The following SMTN variants were observed in gnomAD, a reference collection of about 807,000 sequenced individuals.
SMTN encodes the protein smoothelin.
SMTN carries 58 observed loss-of-function variants against 102.0 expected under a neutral mutation model. That is an observed-to-expected ratio of 0.57 (90% CI 0.46 to 0.71). The LOEUF (loss-of-function observed/expected upper bound fraction) is 0.71. Ranked by LOEUF, SMTN falls within the 30% of genes least tolerant of loss-of-function variation. The probability of loss-of-function intolerance (pLI) is 0.00; values close to 1 mark genes in which losing one functional copy is unlikely to be tolerated. For synonymous variants in SMTN, 478 were observed against 497.9 expected (o/e 0.96, Z 0.53); for missense variants, 1,185 against 1,241.7 (o/e 0.95, Z 0.69).
Position 31,091,747 on chromosome 22 carries a change from G to A in SMTN, c.1532G>A (p.Arg511His), listed in dbSNP as rs116593437. Reference sequence around the variant, plus strand: ...AGTGGGGGCAAGAGCACCATCACCCGTGTCAACAGCCCTGGGACCCTGGCT... The same window carrying A: ...AGTGGGGGCAAGAGCACCATCACCCATGTCAACAGCCCTGGGACCCTGGCT... ...TSSGGKSTIT[R>H]VNSPGTLARL... The change falls in exon 11 of 21, where the codon CGT becomes CAT. Residue 511 changes from arginine to histidine, a missense_variant. By Grantham distance (29) the Arg-to-His change is conservative. Around this residue, in one of 2 missense-constraint regions of SMTN, gnomAD observed 1,096 missense variants for 1,112.7 expected, o/e 0.98. Coordinates refer to ENST00000333137, the MANE Select transcript of SMTN (RefSeq NM_134269.3). 949 of 1,612,636 alleles carry A rather than the reference G, an allele frequency of 5.9e-4. 2 individuals carry two copies. The African/African-American group carries it at 0.011, about 18-fold the overall frequency.
chr22:31,087,996 G>A lies in SMTN; in HGVS notation c.83G>A (p.Arg28Gln), dbSNP rs766372580. 1.9e-5 allele frequency: 30 copies of A among 1,607,062 alleles called. No homozygotes were observed. The Admixed American group carries it at 2.3e-4, about 13-fold the overall frequency. Reference sequence around the variant, plus strand: ...GTCACAGCAGATCTGGCAGAGCGGCGGCGCATCCGCTCAGCCATCCGGGAA... The same window carrying A: ...GTCACAGCAGATCTGGCAGAGCGGCAGCGCATCCGCTCAGCCATCCGGGAA... Reference protein sequence around the residue: ...LEVTADLAERRRIRSAIRELQ... With the variant: ...LEVTADLAERQRIRSAIRELQ... Residue 28 changes from arginine to glutamine, a missense_variant, in exon 3 of 21, where the codon CGG becomes CAG. By Grantham distance (43) the Arg-to-Gln change is conservative. This residue lies in a region of SMTN where 1,096 missense variants were observed against 1,112.7 expected (regional missense o/e 0.98). Transcript: ENST00000333137.
chr22:31,081,754 T>C (rs2042323415), intron 1 of SMTN, among the ~76,000 whole-genome samples: 1 of 151,696 alleles, frequency 6.6e-6, no homozygotes, highest in East Asian at 1.9e-4. Context: ...GACAGGGAGA[T>C]TGGAGAAGAG....
chr22:31,082,995 T>C (rs577609157), intron 1 of SMTN, 184 bp from the exon 2 acceptor site: 25 of 1,430,434 alleles, frequency 1.7e-5, no homozygotes, highest in African/African-American at 2.8e-5. Context: ...CCCCCTACCC[T>C]GGGTTTGGTG....
chr22:31,093,477 G>A (rs1293331710), intron 11 of SMTN: 1 of 618,702 alleles, frequency 1.6e-6, no homozygotes, highest in East Asian at 3.0e-5. Flanking sequence ...CTGGGCCTGA[G>A]CTGGCCGCAG....
chr22:31,087,692 G>A (rs987164828), intron 2 of SMTN, among the ~76,000 whole-genome samples: 7 of 152,220 alleles, frequency 4.6e-5, no homozygotes, highest in Admixed American at 3.3e-4. Context: ...GGAGTGCCTG[G>A]CTTGGCACCT....
chr22:31,097,315 C>T lies in SMTN; in HGVS notation c.2136C>T (p.Ser712=). The stretch of plus-strand genomic sequence containing the variant: ...TGCAAACCAAGACCTTCTCCTCTTC[C>T]TCCTCATCCAAGAAGATGGGCAGGT... ...TMMQTKTFSS[S]SSSKKMGSIF... The change falls in exon 16 of 21, where the codon TCC becomes TCT. Residue 712 remains serine (S), a synonymous_variant. Transcript: ENST00000333137. 6.2e-7 allele frequency: 1 copy of T among 1,614,138 alleles called. No homozygotes were observed.
upstream of SMTN, among the ~76,000 whole-genome samples, chr22:31,078,882 AAAAAT>A (rs1555959213): frequency 4.6e-5 from 7 of 152,104 alleles, no homozygotes; most frequent in South Asian, 1.2e-3. Context: ...TGTCTCCAAA[AAAAAT>A]AAAATAAAAT....
intron 11 of SMTN, chr22:31,093,653 T>C: frequency 1.3e-6 from 1 of 788,410 alleles, no homozygotes; most frequent in South Asian, 1.4e-5. Flanking sequence ...AGCCGGCGGC[T>C]GGATGCACTG....
At position 31,092,483 on chromosome 22, in the gene SMTN, G is replaced by T. The variant is rs1224374988; in HGVS notation, c.1632+636G>T. 1.1e-5 allele frequency: 5 copies of T among 471,094 alleles called. No individual in the cohort carries two copies. The East Asian group carries it at 2.8e-4, about 26-fold the overall frequency. 29.2% of individuals were successfully genotyped at this position (471,094 alleles called of 1,614,324 possible). A position where few individuals can be genotyped will look rare whatever the true frequency, so the allele number is the denominator to read the frequency against. On this transcript the variant is annotated intron_variant, in intron 11 of 20. Coordinates refer to ENST00000333137, the MANE Select transcript of SMTN (RefSeq NM_134269.3). ...CCCAAGCCCAGGATCCACTAGCCGG[G>T]AGCTCAGCCGGGAAAGGGATCCCCA...
In SMTN at chr22:31,088,526, G is replaced by C. The variant is rs773894191; in HGVS notation, c.214G>C (p.Glu72Gln). The C allele has an allele frequency of 8.1e-6, 13 of 1,613,732 alleles. No individual in the cohort carries two copies. Among genetic ancestry groups the C allele is most frequent in the Non-Finnish European group, 9.3e-6 (11 of 1,179,956 alleles). ...KENWLHSQQR[E>Q]AEQRAALARL... ...ATGTCTCTGCAGCTCTCAGCAGCGG[G>C]AAGCTGAGCAGCGGGCTGCCCTGGC... Residue 72 changes from glutamate (E) to glutamine (Q), a missense_variant, in exon 4 of 21, where the codon GAA (glutamate) becomes CAA (glutamine). Transcript: ENST00000333137.
At chr22:31,102,743 T>G (rs2044189575) in intron 20 of SMTN, 1 of 152,188 alleles carries the variant, frequency 6.6e-6, no homozygotes, top group Non-Finnish European at 1.5e-5. Context: ...AAACAATGGC[T>G]TTATAAGGTC....
chr22:31,064,134 T>G (rs994529832), exon 1 of SMTN: 1 of 152,112 alleles, frequency 6.6e-6, no homozygotes, highest in African/African-American at 2.4e-5. Flanking sequence ...ACATGGCAGC[T>G]CCCATGAGAA....
In SMTN at chr22:31,087,978, C is replaced by G. The variant is rs767272756; in HGVS notation, c.65C>G (p.Ala22Gly). 140 of 1,601,262 alleles carry G rather than the reference C, an allele frequency of 8.7e-5. No individual in the cohort carries two copies. Among genetic ancestry groups the G allele is most frequent in the Non-Finnish European group, 1.2e-4 (136 of 1,171,162 alleles). The change falls in exon 3 of 21, where the codon GCA becomes GGA. Residue 22 changes from alanine (A) to glycine (G), a missense_variant. Physicochemically the swap from Ala to Gly is moderately conservative, Grantham distance 60. This residue lies in a region of SMTN where 1,096 missense variants were observed against 1,112.7 expected (regional missense o/e 0.98). Transcript: ENST00000333137. ...CACCCACTGCAGCTGGAGGTCACAGCAGATCTGGCAGAGCGGCGGCGCATC... is the reference window on the plus strand; with the variant it reads ...CACCCACTGCAGCTGGAGGTCACAGGAGATCTGGCAGAGCGGCGGCGCATC... Reference protein sequence around the residue: ...GALRKLLEVTADLAERRRIRS... With the variant: ...GALRKLLEVTGDLAERRRIRS...
rs141379456 is a variant in SMTN, at chr22:31,069,914, C to T, written c.-386+5727C>T. ...ACAGCCTTTGTTGACATTAGATTAA[C>T]TAAATCCAGTAAGGGAAGATTTTGA... On this transcript the variant is annotated intron_variant, in intron 1 of 3. Coordinates refer to the SMTN transcript ENST00000422839. Among the ~76,000 whole-genome samples, 501 of 152,284 alleles carry T rather than the reference C, an allele frequency of 3.3e-3. 2 individuals are homozygous for T. Among genetic ancestry groups the T allele is most frequent in the African/African-American group, 0.011 (458 of 41,562 alleles).
At chr22:31,090,492 C>T (rs981181499) in intron 8 of SMTN, among the ~76,000 whole-genome samples, 1 of 152,112 alleles carries the variant, frequency 6.6e-6, no homozygotes, top group South Asian at 2.1e-4. Flanking sequence ...GGAGGGCTGT[C>T]CCCCCTCCCC....
chr22:31,090,058 G>A, intron 7 of SMTN, 39 bp downstream of exon 7: 1 of 1,610,470 alleles, frequency 6.2e-7, no homozygotes, highest in South Asian at 1.1e-5. Flanking sequence ...AGGCAAGTGA[G>A]CAGGTCTGGG....
intron 20 of SMTN, chr22:31,103,972 G>T (rs1352781131): frequency 3.0e-5 from 9 of 304,400 alleles, no homozygotes; most frequent in Non-Finnish European, 1.3e-5. Flanking sequence ...GTGTGCCAGT[G>T]AGGGTGAGCA....
chr22:31,084,848 C>G, intron 2 of SMTN: 2 of 749,920 alleles, frequency 2.7e-6, no homozygotes, highest in Non-Finnish European at 3.9e-6. Flanking sequence ...TCCTCCAGCA[C>G]CCGGCGCCCG....
chr22:31,102,533 G>A (rs2044174326), intron 20 of SMTN: 1 of 152,386 alleles, frequency 6.6e-6, no homozygotes, highest in South Asian at 2.1e-4. Context: ...GCACAGATGA[G>A]TGGCGGATGG....
Sources: gnomAD v4.1 joint callset for allele counts (sites outside exome capture counted in the v4.1 genomes callset) on GRCh38, gnomAD v4.1.1 for gene constraint, gnomAD v4.1.1 regional missense constraint, MANE v1.5 for transcripts, NCBI Gene and HGNC (gene_info 2026-07-23, HGNC 2026-07-21) for gene names.